Variants in CMPK1 observed in about 807,000 individuals in gnomAD.
CMPK1 encodes UMP-CMP kinase.
CMPK1 carries 10 observed loss-of-function variants against 25.7 expected under a neutral mutation model. The ratio of observed to expected loss-of-function variants is 0.39; its 90% CI spans 0.24 to 0.66. The LOEUF is 0.66. Among genes scored for constraint, CMPK1 ranks in the 30% least tolerant of loss-of-function variants. The probability of loss-of-function intolerance (pLI) is 0.48; values close to 1 mark genes in which losing one functional copy is unlikely to be tolerated. For synonymous variants in CMPK1, 106 were observed against 101.5 expected (o/e 1.04, Z -0.27); for missense variants, 199 against 280.5 (o/e 0.71, Z 2.08).
intron 1 of CMPK1, among the ~76,000 whole-genome samples, chr1:47,361,434 G>T (rs111725835): frequency 6.6e-6 from 1 of 152,082 alleles, no homozygotes; most frequent in Non-Finnish European, 1.5e-5. Context: ...GGCTCTTTAG[G>T]TCAAAGGCGA....
In CMPK1 at chr1:47,378,815, A is replaced by G. The variant is rs1195525625; in HGVS notation, c.*2070A>G. The G allele has an allele frequency of 6.6e-6, 1 of 152,202 alleles. No individual in the cohort carries two copies. The highest frequency in any genetic ancestry group is 2.4e-5 in the African/African-American group (1 of 41,454). 9.4% of individuals were successfully genotyped at this position (152,202 alleles called of 1,614,324 possible). On this transcript the variant is annotated 3_prime_UTR_variant, in exon 6 of 6. Transcript: ENST00000371873. Reference sequence around the variant, plus strand: ...CAGTTATTTAGTAAATAATCTCAATAAATTTTGTGCTGTGGCCTTTGCTAT... The same window carrying G: ...CAGTTATTTAGTAAATAATCTCAATGAATTTTGTGCTGTGGCCTTTGCTAT...
At chr1:47,364,507 G>A (rs1646625662) in intron 1 of CMPK1, among the ~76,000 whole-genome samples, 1 of 151,344 alleles carries the variant, frequency 6.6e-6, no homozygotes, top group Admixed American at 6.6e-5. Flanking sequence ...TAGTAGAGAC[G>A]GGGGTTTCAC....
At position 47,377,791 on chromosome 1, in the gene CMPK1, C is replaced by T. The variant is rs1329640306; in HGVS notation, c.*1046C>T. On this transcript the variant is annotated 3_prime_UTR_variant, in exon 6 of 6. Coordinates refer to ENST00000371873, the MANE Select transcript of CMPK1 (RefSeq NM_016308.3). ...TATCTTATAAATGTTTGATTCCCTTCCTTGCTATTTTTATTCAGTAGATTT... is the reference window on the plus strand; with the variant it reads ...TATCTTATAAATGTTTGATTCCCTTTCTTGCTATTTTTATTCAGTAGATTT... The T allele has an allele frequency of 6.6e-6, 1 of 152,466 alleles. No individual in the cohort carries two copies. The highest frequency in any genetic ancestry group is 1.5e-5 in the Non-Finnish European group (1 of 67,998). The allele number at this position is 152,466 out of a possible 1,614,324, so 9.4% of individuals were successfully genotyped here.
At chr1:47,349,747 CTTGTTTGT>C (rs372890322) in intron 1 of CMPK1, among the ~76,000 whole-genome samples, 7 of 151,928 alleles carry the variant, frequency 4.6e-5, no homozygotes, top group East Asian at 3.8e-4. Context: ...TCTAAATGTT[CTTGTTTGT>C]TTGTTTGTTT....
At chr1:47,340,316 AAAG>A in intron 1 of CMPK1, among the ~76,000 whole-genome samples, 1 of 151,754 alleles carries the variant, frequency 6.6e-6, no homozygotes, top group Non-Finnish European at 1.5e-5. Context: ...AAAAAAAAAA[AAAG>A]AGAAATGGGG....
chr1:47,368,818 A>G (rs1646657555), intron 2 of CMPK1, among the ~76,000 whole-genome samples: 1 of 152,106 alleles, frequency 6.6e-6, no homozygotes, highest in Non-Finnish European at 1.5e-5. Flanking sequence ...TTAAAAAGCC[A>G]TGCGTGGTGG....
At chr1:47,358,521 G>A in intron 1 of CMPK1, 2 of 1,007,734 alleles carry the variant, frequency 2.0e-6, no homozygotes, top group Middle Eastern at 4.9e-4. Flanking sequence ...TGTCATTTTT[G>A]GTAGCATACA....
At chr1:47,336,634 C>T (rs1490839123) in intron 1 of CMPK1, among the ~76,000 whole-genome samples, 1 of 152,116 alleles carries the variant, frequency 6.6e-6, no homozygotes, top group African/African-American at 2.4e-5. Flanking sequence ...GCCATCCTCT[C>T]ACCTCAGTCT....
chr1:47,352,941 C>A (rs939258073), intron 1 of CMPK1, among the ~76,000 whole-genome samples: 14 of 151,872 alleles, frequency 9.2e-5, no homozygotes, highest in African/African-American at 2.9e-4. Flanking sequence ...AATTTTATAC[C>A]AAAATTTAAA....
intron 1 of CMPK1, among the ~76,000 whole-genome samples, chr1:47,365,009 C>T (rs933192043): frequency 1.1e-4 from 16 of 152,152 alleles, no homozygotes; most frequent in African/African-American, 3.9e-4. Flanking sequence ...AATCCTCTCA[C>T]CTTGGCTTCC....
chr1:47,353,563 G>A (rs1372634849), intron 1 of CMPK1, among the ~76,000 whole-genome samples: 1 of 152,032 alleles, frequency 6.6e-6, no homozygotes, highest in Non-Finnish European at 1.5e-5. Flanking sequence ...GTTTTTGATT[G>A]TGCAGGTACT....
At chr1:47,373,153 A>G in intron 3 of CMPK1, 46 bp downstream of exon 3, 1 of 1,516,550 alleles carries the variant, frequency 6.6e-7, no homozygotes, top group Non-Finnish European at 8.9e-7. Context: ...AGCAACTGTT[A>G]GTCAACTATT....
intron 2 of CMPK1, among the ~76,000 whole-genome samples, chr1:47,371,625 C>G (rs925822508): frequency 5.3e-5 from 8 of 152,178 alleles, no homozygotes; most frequent in African/African-American, 1.9e-4. Flanking sequence ...TTGCAAGTTT[C>G]CAAAACCATG....
rs574701131 is a variant in CMPK1 at position 47,337,760 on chromosome 1, G to A, written c.171+3644G>A. Among the ~76,000 whole-genome samples the A allele has an allele frequency of 2.0e-4, 30 of 151,872 alleles. No homozygotes were observed. In the South Asian group the frequency reaches 4.2e-3, roughly 21 times the overall value. ...CCCGAGTAGCTTGGACTACAGGTGC[G>A]CGCCACCATGCCCGGCTAATTTTTG... On this transcript the variant is annotated intron_variant, in intron 1 of 5. Coordinates refer to ENST00000371873, the MANE Select transcript of CMPK1 (RefSeq NM_016308.3).
At chr1:47,344,913 C>T (rs1311785437) in intron 1 of CMPK1, among the ~76,000 whole-genome samples, 3 of 151,868 alleles carry the variant, frequency 2.0e-5, no homozygotes, top group African/African-American at 7.3e-5. Context: ...ACACGTTTTT[C>T]ATTTATTTAT....
At chr1:47,352,214 T>C (rs1257665203) in intron 1 of CMPK1, among the ~76,000 whole-genome samples, 1 of 152,224 alleles carries the variant, frequency 6.6e-6, no homozygotes, top group Non-Finnish European at 1.5e-5. Context: ...TAAGAGTTTA[T>C]ATATTTCAAA....
At chr1:47,367,415 CAG>C (rs941663674) in intron 1 of CMPK1, among the ~76,000 whole-genome samples, 1 of 152,166 alleles carries the variant, frequency 6.6e-6, no homozygotes, top group African/African-American at 2.4e-5. Context: ...AATCCGAAAA[CAG>C]AAAACTCACC....
chr1:47,348,037 C>G (rs1646497016), intron 1 of CMPK1, among the ~76,000 whole-genome samples: 1 of 151,882 alleles, frequency 6.6e-6, no homozygotes, highest in African/African-American at 2.4e-5. Context: ...TGTGAATTTG[C>G]TGTACCACAT....
At chr1:47,354,599 C>CTTTTTTTTTTT (rs34592236) in intron 1 of CMPK1, among the ~76,000 whole-genome samples, 4 of 105,476 alleles carry the variant, frequency 3.8e-5, no homozygotes, top group Admixed American at 1.1e-4. Context: ...TTGTGACTTG[C>CTTTTTTTTTTT]TTTTTTTTTT....
Sources: gnomAD v4.1 joint callset for allele counts (sites outside exome capture counted in the v4.1 genomes callset) on GRCh38, gnomAD v4.1.1 for gene constraint, MANE v1.5 for transcripts, NCBI Gene and HGNC (gene_info 2026-07-23, HGNC 2026-07-21) for gene names.